Variants in PKNOX2 observed in about 807,000 individuals in gnomAD.
The protein encoded by PKNOX2 is PBX/knotted 1 homeobox 2, also known as homeobox protein PKNOX2.
PKNOX2 carries 14 observed loss-of-function variants against 53.1 expected under a neutral mutation model. That is an observed-to-expected ratio of 0.26 (90% CI 0.17 to 0.41). The LOEUF is 0.41. Ranked by LOEUF, PKNOX2 falls within the 10% of genes least tolerant of loss-of-function variation. PKNOX2 has a pLI of 1.00. For synonymous variants in PKNOX2, 257 were observed against 242.8 expected (o/e 1.06, Z -0.54); for missense variants, 496 against 602.8 (o/e 0.82, Z 1.85).
intron 2 of PKNOX2, among the ~76,000 whole-genome samples, chr11:125,274,371 G>A (rs566775418): frequency 6.6e-6 from 1 of 152,268 alleles, no homozygotes; most frequent in Admixed American, 6.5e-5. Context: ...CCAGCTCGCT[G>A]AGGGGTTGTG....
chr11:125,368,015 C>T, intron 5 of PKNOX2, 30 bp downstream of exon 5: 3 of 1,597,618 alleles, frequency 1.9e-6, no homozygotes, highest in South Asian at 1.1e-5. Context: ...TGTCTACAGC[C>T]CTCAACCAGC....
intron 2 of PKNOX2, among the ~76,000 whole-genome samples, chr11:125,322,216 AC>A (rs1361269661): frequency 2.2e-4 from 33 of 152,170 alleles, no homozygotes; most frequent in South Asian, 4.2e-4. Flanking sequence ...TCAAAAAAAA[AC>A]GTATATATAT....
At chr11:125,354,896 G>C (rs1951519498) in intron 4 of PKNOX2, among the ~76,000 whole-genome samples, 1 of 152,134 alleles carries the variant, frequency 6.6e-6, no homozygotes, top group African/African-American at 2.4e-5. Context: ...GTCCATCCCG[G>C]AGAAACTTTG....
chr11:125,165,392 C>A lies in PKNOX2; in HGVS notation c.-201+616C>A, dbSNP rs541530943. Among the ~76,000 whole-genome samples the A allele has an allele frequency of 6.6e-6, 1 of 152,138 alleles. No homozygotes were observed. Among genetic ancestry groups the A allele is most frequent in the Non-Finnish European group, 1.5e-5 (1 of 68,012 alleles). On this transcript the variant is annotated intron_variant, in intron 1 of 12. Transcript: ENST00000298282. The surrounding 1 kb of genome is among the most constrained non-coding windows in gnomAD (Gnocchi z 4.5). ...GCGGGGAGAGGCTGGGAACCGCGGGCAGGCTCCAGGTTCTCTTTCTCCCGG... is the reference window on the plus strand; with the variant it reads ...GCGGGGAGAGGCTGGGAACCGCGGGAAGGCTCCAGGTTCTCTTTCTCCCGG...
intron 2 of PKNOX2, among the ~76,000 whole-genome samples, chr11:125,248,024 T>A (rs895359596): frequency 6.6e-6 from 1 of 152,174 alleles, no homozygotes; most frequent in Non-Finnish European, 1.5e-5. Flanking sequence ...CCCAGGTATG[T>A]CTGTGTCTGT....
At chr11:125,218,982 CA>C (rs1224883764) in intron 1 of PKNOX2, among the ~76,000 whole-genome samples, 4 of 152,130 alleles carry the variant, frequency 2.6e-5, no homozygotes, top group Non-Finnish European at 5.9e-5. Context: ...ATGGTAGTGG[CA>C]GTTCCAGGCA....
intron 6 of PKNOX2, among the ~76,000 whole-genome samples, chr11:125,389,871 G>C (rs1019475699): frequency 6.6e-6 from 1 of 151,962 alleles, no homozygotes; most frequent in Non-Finnish European, 1.5e-5. Context: ...GACAGATTAC[G>C]GCTGCCTGAC....
chr11:125,231,724 G>T (rs79470139), intron 1 of PKNOX2, among the ~76,000 whole-genome samples: 2 of 144,870 alleles, frequency 1.4e-5, no homozygotes, highest in African/African-American at 2.8e-5. Flanking sequence ...TGTGTGGGGG[G>T]TGTGTGTGTG....
intron 5 of PKNOX2, among the ~76,000 whole-genome samples, chr11:125,379,100 G>A (rs187639853): frequency 2.9e-5 from 4 of 138,840 alleles, no homozygotes; most frequent in East Asian, 2.1e-4. Context: ...TCAATCTGTC[G>A]CCCAGGCTGG....
chr11:125,175,298 G>C, intron 1 of PKNOX2, among the ~76,000 whole-genome samples: 1 of 152,180 alleles, frequency 6.6e-6, no homozygotes, highest in East Asian at 1.9e-4. Flanking sequence ...GTCCTCCACG[G>C]AGCACCATTG....
intron 2 of PKNOX2, among the ~76,000 whole-genome samples, chr11:125,273,725 T>C (rs1945973708): frequency 6.6e-6 from 1 of 152,212 alleles, no homozygotes; most frequent in African/African-American, 2.4e-5. Flanking sequence ...GTTTCCTTAT[T>C]GGCAAAATGA....
At chr11:125,359,314 C>T (rs1189468845) in intron 4 of PKNOX2, among the ~76,000 whole-genome samples, 2 of 152,170 alleles carry the variant, frequency 1.3e-5, no homozygotes, top group African/African-American at 4.8e-5. Flanking sequence ...CCCTCTGCCC[C>T]AGGGGCAACA....
chr11:125,180,159 T>G (rs1168818284), intron 1 of PKNOX2, among the ~76,000 whole-genome samples: 1 of 152,218 alleles, frequency 6.6e-6, no homozygotes, highest in East Asian at 1.9e-4. Context: ...GCTAGCTTGC[T>G]TGCTTTTTCA....
chr11:125,195,883 G>GCATACACA (rs1555113483), intron 1 of PKNOX2, among the ~76,000 whole-genome samples: 1 of 143,802 alleles, frequency 7.0e-6, no homozygotes, highest in Non-Finnish European at 1.5e-5. Flanking sequence ...ATATGTACAT[G>GCATACACA]CACACACACA....
rs55709856 is a variant in PKNOX2, at chr11:125,253,496, G to A, written c.-130+18381G>A. 1.4e-3 allele frequency among the ~76,000 whole-genome samples: 220 copies of A among 152,242 alleles called. 2 individuals carry two copies. The highest frequency in any genetic ancestry group is 6.8e-3 in the Middle Eastern group (2 of 294). ...CTGTTCTGCTGCTCCTCATGTGCAC[G>A]TGTCCTTCAGGGTCCCGTGCAAATG... On this transcript the variant is annotated intron_variant, in intron 2 of 12. Transcript: ENST00000298282.
At chr11:125,312,473 A>C (rs1249501931) in intron 2 of PKNOX2, among the ~76,000 whole-genome samples, 8 of 152,148 alleles carry the variant, frequency 5.3e-5, no homozygotes. Context: ...GTGGGAAGTC[A>C]CCCTGCTGTG....
At chr11:125,276,080 T>G (rs1030256623) in intron 2 of PKNOX2, among the ~76,000 whole-genome samples, 1 of 152,102 alleles carries the variant, frequency 6.6e-6, no homozygotes, top group Non-Finnish European at 1.5e-5. Context: ...GAGGAGAAAG[T>G]TTTTTGAGAT....
At chr11:125,167,205 G>C (rs923125662) in intron 1 of PKNOX2, among the ~76,000 whole-genome samples, 2 of 145,744 alleles carry the variant, frequency 1.4e-5, no homozygotes, top group African/African-American at 5.4e-5. Flanking sequence ...GGGTGGGAGC[G>C]GGGGGGAGGA....
intron 6 of PKNOX2, among the ~76,000 whole-genome samples, chr11:125,397,422 T>C (rs1157461852): frequency 1.3e-5 from 2 of 152,240 alleles, no homozygotes; most frequent in South Asian, 2.1e-4. Flanking sequence ...CTACCATGTA[T>C]ACGCCCTCAT....
Sources: gnomAD v4.1 joint callset for allele counts (sites outside exome capture counted in the v4.1 genomes callset) on GRCh38, gnomAD v4.1.1 for gene constraint, Gnocchi (gnomAD v3.1) non-coding constraint, MANE v1.5 for transcripts, NCBI Gene and HGNC (gene_info 2026-07-23, HGNC 2026-07-21) for gene names.